FAM163B: variants seen among roughly 807,000 people sequenced by gnomAD.
The protein encoded by FAM163B is family with sequence similarity 163 member B, also known as protein FAM163B.
A neutral mutation model predicts 7.6 loss-of-function variants in FAM163B; 4 were observed. That is an observed-to-expected ratio of 0.52 (90% CI 0.26 to 1.20). The LOEUF is 1.20. Among genes scored for constraint, FAM163B ranks in the 50% most tolerant of loss-of-function variants. The pLI, the probability that FAM163B is intolerant of heterozygous loss-of-function variation, is 0.14. For missense variants in FAM163B, 250 were observed against 243.0 expected (o/e 1.03, Z -0.19); for synonymous variants, 120 against 111.6 (o/e 1.07, Z -0.47).
chr9:133,595,892 A>G (rs1465201828), intron 1 of FAM163B, among the ~76,000 whole-genome samples: 2 of 152,162 alleles, frequency 1.3e-5, no homozygotes, highest in Admixed American at 6.5e-5. Context: ...GGTGCCTGGA[A>G]TGGTGTCCTG....
rs1564197810 is a variant in FAM163B, at chr9:133,601,666, C to T, written c.-24+7411G>A. 6.6e-6 allele frequency among the ~76,000 whole-genome samples: 1 copy of T among 152,208 alleles called. No individual in the cohort carries two copies. The highest frequency in any genetic ancestry group is 1.5e-5 in the Non-Finnish European group (1 of 68,042). Reference sequence around the variant, plus strand: ...TCCCTTCTTCCCTGAGGATGTTTTGCTGGTTTTGAATGTTTTGAGTGAAGA... The same window carrying T: ...TCCCTTCTTCCCTGAGGATGTTTTGTTGGTTTTGAATGTTTTGAGTGAAGA... On this transcript the variant is annotated intron_variant, in intron 1 of 2. Transcript: ENST00000673969. This position sits in a 1 kb window ranked among gnomAD's most constrained non-coding sequence, Gnocchi z 4.1.
chr9:133,606,923 C>T lies in FAM163B; in HGVS notation c.-24+2154G>A, dbSNP rs779286403. ...CAGAGGTCTCACTGCAGGAGTGGGT[C>T]TCCATGCTGTGAAGCCTCACCCAGA... On this transcript the variant is annotated intron_variant, in intron 1 of 2. Coordinates refer to ENST00000673969, the MANE Select transcript of FAM163B (RefSeq NM_001080515.3). The surrounding 1 kb of genome is among the most constrained non-coding windows in gnomAD (Gnocchi z 4.0). Among the ~76,000 whole-genome samples, 13 of 152,316 alleles carry T rather than the reference C, an allele frequency of 8.5e-5. No homozygotes were observed. Among genetic ancestry groups the T allele is most frequent in the Non-Finnish European group, 7.3e-5 (5 of 68,036 alleles).
At chr9:133,595,700 C>T (rs914031602) in intron 1 of FAM163B, among the ~76,000 whole-genome samples, 1 of 152,186 alleles carries the variant, frequency 6.6e-6, no homozygotes, top group Admixed American at 6.5e-5. Flanking sequence ...TGGCTTCCCC[C>T]ACTTTACAGC....
chr9:133,581,891 C>T (rs1297533920), intron 1 of FAM163B, among the ~76,000 whole-genome samples: 1 of 152,212 alleles, frequency 6.6e-6, no homozygotes, highest in African/African-American at 2.4e-5. Flanking sequence ...GTCTCCCAGC[C>T]CATTGCTGCA....
rs1221492652 is a variant in FAM163B at position 133,609,204 on chromosome 9, G to T, written c.-151C>A. 7.3e-5 allele frequency among the ~76,000 whole-genome samples: 11 copies of T among 151,664 alleles called. No individual in the cohort carries two copies. The highest frequency in any genetic ancestry group is 1.6e-4 in the Non-Finnish European group (11 of 67,838). On this transcript the variant is annotated 5_prime_UTR_variant, in exon 1 of 3. Transcript: ENST00000673969. ...CTCATGCCCAGGCCACGGCGGTGGC[G>T]CCTGGTGTGGCTGGGCGGGCGAGGC...
At chr9:133,595,639 G>C (rs938315020) in intron 1 of FAM163B, among the ~76,000 whole-genome samples, 6 of 152,016 alleles carry the variant, frequency 3.9e-5, no homozygotes, top group Non-Finnish European at 8.8e-5. Context: ...CAGGCCTCAG[G>C]TTCCCCTTCC....
chr9:133,602,615 A>C (rs1831744199), intron 1 of FAM163B, among the ~76,000 whole-genome samples: 1 of 152,072 alleles, frequency 6.6e-6, no homozygotes, highest in Non-Finnish European at 1.5e-5. Context: ...TTTTTTTTTA[A>C]ATAGAGATCT....
chr9:133,608,474 A>G (rs892007500), intron 1 of FAM163B, among the ~76,000 whole-genome samples: 4 of 152,128 alleles, frequency 2.6e-5, no homozygotes, highest in Admixed American at 1.3e-4. Context: ...AATGAAGCAG[A>G]GATTCCTAAC....
At chr9:133,588,133 A>G (rs1831469484) in intron 1 of FAM163B, among the ~76,000 whole-genome samples, 1 of 151,990 alleles carries the variant, frequency 6.6e-6, no homozygotes, top group Non-Finnish European at 1.5e-5. Flanking sequence ...AGCCAGTAGC[A>G]CTCCCTGCTT....
rs1831293685 is a variant in FAM163B, at chr9:133,578,737, T to C, written c.*285A>G. On this transcript the variant is annotated 3_prime_UTR_variant, in exon 3 of 3. Transcript: ENST00000673969. ...AGAATCATCAGGAGTAACGGTGGCCTCTGTGCCTGAGAGCCCTGGTGCATG... is the reference window on the plus strand; with the variant it reads ...AGAATCATCAGGAGTAACGGTGGCCCCTGTGCCTGAGAGCCCTGGTGCATG... 2.2e-6 allele frequency: 1 copy of C among 463,486 alleles called. No homozygotes were observed. Among genetic ancestry groups the C allele is most frequent in the Non-Finnish European group, 3.7e-6 (1 of 271,934 alleles). The allele number at this position is 463,486 out of a possible 1,614,324, so 28.7% of individuals were successfully genotyped here. A position where few individuals can be genotyped will look rare whatever the true frequency, so the allele number is the denominator to read the frequency against.
intron 1 of FAM163B, among the ~76,000 whole-genome samples, chr9:133,585,744 G>A (rs1831426250): frequency 6.6e-6 from 1 of 152,210 alleles, no homozygotes; most frequent in Non-Finnish European, 1.5e-5. Flanking sequence ...CTTCACAAGC[G>A]GCCCCTCTAA....
At chr9:133,593,340 T>C (rs926316937) in intron 1 of FAM163B, among the ~76,000 whole-genome samples, 24 of 152,254 alleles carry the variant, frequency 1.6e-4, no homozygotes, top group Non-Finnish European at 3.1e-4. Context: ...GCCCATTTAG[T>C]TCCCTGAGTA....
At chr9:133,598,504 C>T (rs925006658) in intron 1 of FAM163B, among the ~76,000 whole-genome samples, 6 of 150,938 alleles carry the variant, frequency 4.0e-5, no homozygotes, top group Admixed American at 2.6e-4. Context: ...CTGTGTGCTG[C>T]GTGTGCTGGG....
Position 133,580,212 on chromosome 9 carries a change from C to G in FAM163B, c.12G>C (p.Gly4=). The G allele has an allele frequency of 6.2e-7, 1 of 1,613,482 alleles. No individual in the cohort carries two copies. The highest frequency in any genetic ancestry group is 8.5e-7 in the Non-Finnish European group (1 of 1,179,968). Residue 4 remains glycine, a synonymous_variant, in exon 2 of 3, where the codon GGG becomes GGC. Coordinates refer to ENST00000673969, the MANE Select transcript of FAM163B (RefSeq NM_001080515.3). MTA[G]TVVITGGILA... is the part of the protein sequence containing the mutation. ...AGATGCCCCCGGTGATGACCACGGT[C>G]CCGGCTGTCATCCGCCCCCTTCTCC...
chr9:133,608,667 A>G (rs527709780), intron 1 of FAM163B, among the ~76,000 whole-genome samples: 20 of 152,368 alleles, frequency 1.3e-4, no homozygotes, highest in African/African-American at 4.8e-4. Context: ...ATGAAAATGC[A>G]GCACCGACTC....
At chr9:133,594,581 G>T (rs1032658337) in intron 1 of FAM163B, among the ~76,000 whole-genome samples, 3 of 152,112 alleles carry the variant, frequency 2.0e-5, no homozygotes, top group Admixed American at 1.3e-4. Context: ...CACATGTTTG[G>T]CATTTATAGT....
At position 133,579,062 on chromosome 9, in the gene FAM163B, TC is replaced by T; in HGVS notation, c.460del (p.Glu154ArgfsTer24). ...LNPNRLSAMR[E>X]AFARSRSIST... Reference sequence around the variant, plus strand: ...GATGCTGCGGCTCCTGGCGAAGGCCTCCCGCATGGCTGAGAGGCGGTTGGGG... The same window carrying T: ...GATGCTGCGGCTCCTGGCGAAGGCCTCCGCATGGCTGAGAGGCGGTTGGGG... On this transcript the variant is annotated frameshift_variant, in exon 3 of 3. Transcript: ENST00000673969. LOFTEE classifies it high-confidence loss of function. 1 of 1,584,974 alleles carries T rather than the reference TC, an allele frequency of 6.3e-7. No individual in the cohort carries two copies. Among genetic ancestry groups the T allele is most frequent in the Non-Finnish European group, 8.6e-7 (1 of 1,168,978 alleles).
At position 133,579,445 on chromosome 9, in the gene FAM163B, C is replaced by T. The variant is rs893235507; in HGVS notation, c.94-16G>A. The T allele has an allele frequency of 1.3e-5, 20 of 1,571,840 alleles. No individual in the cohort carries two copies. Among genetic ancestry groups the T allele is most frequent in the African/African-American group, 8.1e-5 (6 of 74,384 alleles). On this transcript the variant is annotated splice_polypyrimidine_tract_variant and intron_variant, in intron 2 of 2. Transcript: ENST00000673969. The stretch of plus-strand genomic sequence containing the variant: ...AGCAGTAGTACTGCGGGCAGAGGGA[C>T]GGTGACCATGCGGCCGCCCGCTCCC...
intron 1 of FAM163B, among the ~76,000 whole-genome samples, chr9:133,581,633 G>A (rs996175664): frequency 2.6e-5 from 4 of 152,096 alleles, no homozygotes; most frequent in East Asian, 3.9e-4. Flanking sequence ...TTCACGCCCC[G>A]CACCCCCATG....
Sources: allele counts gnomAD v4.1 joint callset (sites outside exome capture counted in the v4.1 genomes callset), GRCh38; gene constraint gnomAD v4.1.1; non-coding constraint Gnocchi (gnomAD v3.1); transcripts MANE v1.5; gene names NCBI Gene and HGNC (gene_info 2026-07-23, HGNC 2026-07-21).